The following SASH1 variants were observed in gnomAD, a reference collection of about 807,000 sequenced individuals.
SASH1 encodes SAM and SH3 domain-containing protein 1.
In SASH1, 44 loss-of-function variants were observed where a neutral mutation model predicts 125.2. That is an observed-to-expected ratio of 0.35 (90% CI 0.28 to 0.45). SASH1 has a LOEUF of 0.45. SASH1 is among the 20% of genes least tolerant of loss of function. The pLI, the probability that SASH1 is intolerant of heterozygous loss-of-function variation, is 1.00. For missense variants in SASH1, 1,426 were observed against 1,614.5 expected, an observed-to-expected ratio of 0.88 and a Z score of 2.00; for synonymous variants, 639 against 649.1, an observed-to-expected ratio of 0.98 and a Z score of 0.24.
chr6:148,309,084 C>CAA (rs10652144), intron 1 of SASH1, among the ~76,000 whole-genome samples: 2 of 101,122 alleles, frequency 2.0e-5, no homozygotes, highest in Non-Finnish European at 3.9e-5. Flanking sequence ...ACTCTGTCTC[C>CAA]AAAAAAAAAA....
chr6:148,489,263 A>G (rs1207906799), intron 8 of SASH1, among the ~76,000 whole-genome samples: 2 of 152,168 alleles, frequency 1.3e-5, no homozygotes, highest in African/African-American at 4.8e-5. Context: ...ATACTTTTTG[A>G]AAATTGATTG....
chr6:148,226,268 A>G, the SASH1 span, among the ~76,000 whole-genome samples: 9 of 152,244 alleles, frequency 5.9e-5, no homozygotes, highest in Non-Finnish European at 8.8e-5. Flanking sequence ...ATTTTAGCAT[A>G]ATACCACTAC....
At chr6:148,457,202 T>C (rs1777404027) in intron 4 of SASH1, among the ~76,000 whole-genome samples, 1 of 150,036 alleles carries the variant, frequency 6.7e-6, no homozygotes, top group Non-Finnish European at 1.5e-5. Flanking sequence ...TTTTACACCT[T>C]AATTTTTATG....
rs185282007 is a variant in SASH1, at chr6:148,434,000, T to A, written c.286-6184T>A. On this transcript the variant is annotated intron_variant, in intron 2 of 19. Coordinates refer to ENST00000367467, the MANE Select transcript of SASH1 (RefSeq NM_015278.5). Reference sequence around the variant, plus strand: ...CATTGGCGTGTAGAATTCTTTTAGATATTTTCTTCTGCATTTATAGACATA... The same window carrying A: ...CATTGGCGTGTAGAATTCTTTTAGAAATTTTCTTCTGCATTTATAGACATA... Among the ~76,000 whole-genome samples, 31 of 151,812 alleles carry A rather than the reference T, an allele frequency of 2.0e-4. No individual in the cohort carries two copies. The Middle Eastern group carries it at 0.014, about 67-fold the overall frequency.
At chr6:148,449,684 G>T (rs1423804627) in intron 4 of SASH1, among the ~76,000 whole-genome samples, 1 of 152,166 alleles carries the variant, frequency 6.6e-6, no homozygotes, top group East Asian at 1.9e-4. Context: ...ACTGCGCCCA[G>T]TCGGAGACTG....
intron 8 of SASH1, chr6:148,513,614 G>T (rs1780273695): frequency 1.0e-6 from 1 of 985,586 alleles, no homozygotes; most frequent in Admixed American, 6.1e-5. Flanking sequence ...TGAGCATGCT[G>T]ACTCCCTGCA....
chr6:148,481,150 C>A (rs1250899006), intron 7 of SASH1, among the ~76,000 whole-genome samples: 1 of 151,762 alleles, frequency 6.6e-6, no homozygotes, highest in Non-Finnish European at 1.5e-5. Flanking sequence ...TAAAGTGAGT[C>A]ACATAAATTT....
chr6:148,321,531 G>A (rs1160545504), intron 1 of SASH1, among the ~76,000 whole-genome samples: 1 of 152,174 alleles, frequency 6.6e-6, no homozygotes, highest in Non-Finnish European at 1.5e-5. Context: ...CTGCCTTCAG[G>A]AATATAATGG....
chr6:148,302,341 A>AAAAAAAAAAAAAAAT lies in SASH1; in HGVS notation n.74+29964_74+29965insAAAAAAAAAAAAAAT, dbSNP rs34513109. Among the ~76,000 whole-genome samples the AAAAAAAAAAAAAAAT allele has an allele frequency of 6.3e-4, 66 of 104,442 alleles. 12 individuals are homozygous for AAAAAAAAAAAAAAAT. The highest frequency in any genetic ancestry group is 9.4e-4 in the Non-Finnish European group (50 of 53,242). The allele number at this position is 104,442 out of a possible 152,430, so 68.5% of individuals were successfully genotyped here. A position where few individuals can be genotyped will look rare whatever the true frequency, so the allele number is the denominator to read the frequency against. The stretch of plus-strand genomic sequence containing the variant: ...AAAAAAAAAAAAAAAAAAAAAAAAA[A>AAAAAAAAAAAAAAAT]CTAGTAATATTATGACCTTGGTTAA... On this transcript the variant is annotated intron_variant and non_coding_transcript_variant, in intron 1 of 3. Transcript: ENST00000367469.
At chr6:148,521,997 G>GTT (rs1380707278) in intron 10 of SASH1, among the ~76,000 whole-genome samples, 11 of 152,318 alleles carry the variant, frequency 7.2e-5, no homozygotes, top group African/African-American at 2.6e-4. Flanking sequence ...GTCTCTAGAA[G>GTT]TTATATTTCT....
chr6:148,229,789 T>C, the SASH1 span, among the ~76,000 whole-genome samples: 232 of 151,228 alleles, frequency 1.5e-3, 2 homozygotes, highest in Non-Finnish European at 2.4e-3. Context: ...TGGTGCGATC[T>C]TGGCTTACTG....
At chr6:148,200,569 A>C in the SASH1 span, among the ~76,000 whole-genome samples, 1 of 152,220 alleles carries the variant, frequency 6.6e-6, no homozygotes, top group Non-Finnish European at 1.5e-5. Flanking sequence ...TGCCAAGGCG[A>C]GGTGATTGGT....
chr6:148,348,984 T>C (rs752129337), intron 1 of SASH1, among the ~76,000 whole-genome samples: 163 of 152,102 alleles, frequency 1.1e-3, no homozygotes, highest in Non-Finnish European at 2.2e-4. Flanking sequence ...CTACCAGACA[T>C]ACCTTTGGAT....
At chr6:148,443,501 TGTATG>T (rs1776644787) in intron 4 of SASH1, among the ~76,000 whole-genome samples, 1 of 147,334 alleles carries the variant, frequency 6.8e-6, no homozygotes, top group African/African-American at 2.5e-5. Flanking sequence ...TTTATATATA[TGTATG>T]TATGTATATA....
chr6:148,525,387 CA>C, intron 11 of SASH1, 22 bp downstream of exon 11: 2 of 1,564,028 alleles, frequency 1.3e-6, no homozygotes, highest in Non-Finnish European at 1.8e-6. Flanking sequence ...CAGAGGAAAG[CA>C]AAAAATATGG....
chr6:148,294,440 C>T (rs1779711747), intron 1 of SASH1, among the ~76,000 whole-genome samples: 1 of 152,140 alleles, frequency 6.6e-6, no homozygotes, highest in Non-Finnish European at 1.5e-5. Context: ...GGTATAGATC[C>T]TTCCTCACCA....
the SASH1 span, among the ~76,000 whole-genome samples, chr6:148,232,877 G>T: frequency 6.6e-5 from 10 of 152,178 alleles, no homozygotes; most frequent in East Asian, 1.4e-3. Context: ...TTTATATATA[G>T]TACATTATCT....
intron 2 of SASH1, among the ~76,000 whole-genome samples, chr6:148,436,622 C>A (rs566889269): frequency 6.6e-6 from 1 of 152,248 alleles, no homozygotes. Flanking sequence ...TGTGAGGAAG[C>A]CTCAGCAACC....
intron 2 of SASH1, among the ~76,000 whole-genome samples, chr6:148,396,884 GA>G (rs546450972): frequency 4.6e-4 from 70 of 152,084 alleles, no homozygotes; most frequent in African/African-American, 1.6e-3. Context: ...AGGCTTAAAT[GA>G]AAAAAATTGC....
Sources: allele counts gnomAD v4.1 joint callset (sites outside exome capture counted in the v4.1 genomes callset), GRCh38; gene constraint gnomAD v4.1.1; transcripts MANE v1.5; gene names NCBI Gene and HGNC (gene_info 2026-07-23, HGNC 2026-07-21).